Variants in HYDIN observed in about 807,000 individuals in gnomAD.
HYDIN encodes axonemal central pair apparatus protein HYDIN.
A neutral mutation model predicts 403.9 loss-of-function variants in HYDIN; 132 were observed. The observed-to-expected ratio is 0.33, with a 90% confidence interval of 0.28 to 0.38. HYDIN has a LOEUF of 0.38. HYDIN is among the 10% of genes least tolerant of loss of function. HYDIN has a pLI of 1.00. For missense variants in HYDIN, 2,827 were observed against 5,009.5 expected (o/e 0.56, Z 13.15); for synonymous variants, 1,202 against 1,891.7 (o/e 0.64, Z 9.46).
At chr16:70,833,197 G>A in intron 79 of HYDIN, 130 bp from the exon 80 acceptor site, 2 of 766,570 alleles carry the variant, frequency 2.6e-6, no homozygotes, top group South Asian at 1.9e-5. Flanking sequence ...CACCTAGGAG[G>A]AGAAAGATCT....
intron 45 of HYDIN, among the ~76,000 whole-genome samples, chr16:70,931,599 G>C (rs1373994063): frequency 6.6e-6 from 1 of 151,618 alleles, no homozygotes; most frequent in African/African-American, 2.4e-5. Flanking sequence ...GGTGATTTGC[G>C]TGCATATTCA....
chr16:70,985,304 C>T lies in HYDIN; in HGVS notation c.4213G>A (p.Glu1405Lys). Residue 1405 changes from glutamate (E) to lysine (K), a missense_variant, in exon 28 of 86, where the codon GAG (glutamate) becomes AAG (lysine). By Grantham distance (56) the Glu-to-Lys change is moderately conservative. Transcript: ENST00000393567. ...ATGTTCGTCAGCGTGATTTCCCTCT[C>T]TGTGACATGGTCAAACAGCTTGAGA... ...YGLQLFDHVT[E>K]REITLTNMGK... The T allele has an allele frequency of 1.3e-6, 2 of 1,506,190 alleles. No homozygotes were observed. The highest frequency in any genetic ancestry group is 9.1e-7 in the Non-Finnish European group (1 of 1,096,374). 93.3% of individuals were successfully genotyped at this position (1,506,190 alleles called of 1,614,324 possible).
intron 51 of HYDIN, 26 bp downstream of exon 51, chr16:70,903,878 TG>T: frequency 2.0e-6 from 1 of 509,628 alleles, no homozygotes; most frequent in Non-Finnish European, 3.3e-6. Flanking sequence ...AGCCTTGCCC[TG>T]GTGACTTGTG....
At chr16:70,967,237 GATA>G (rs1187679492) in intron 36 of HYDIN, among the ~76,000 whole-genome samples, 2 of 152,262 alleles carry the variant, frequency 1.3e-5, no homozygotes, top group East Asian at 3.9e-4. Flanking sequence ...CATGCTTATG[GATA>G]ATATGACTCA....
chr16:71,169,687 G>A (rs1388742956), intron 5 of HYDIN, among the ~76,000 whole-genome samples: 30 of 152,102 alleles, frequency 2.0e-4, no homozygotes, highest in Non-Finnish European at 1.5e-5. Context: ...GGGGGATGCT[G>A]GTCAGAGGGT....
At chr16:70,842,780 A>G (rs2037916111) in intron 75 of HYDIN, among the ~76,000 whole-genome samples, 1 of 151,862 alleles carries the variant, frequency 6.6e-6, no homozygotes, top group Non-Finnish European at 1.5e-5. Flanking sequence ...TCTATATATC[A>G]TGTCTTTTTA....
At chr16:70,943,974 A>G in intron 41 of HYDIN, 25 bp from the exon 42 acceptor site, 1 of 1,555,798 alleles carries the variant, frequency 6.4e-7, no homozygotes, top group Non-Finnish European at 8.7e-7. Flanking sequence ...AAGGATCAGG[A>G]GTCAGAATCT....
intron 75 of HYDIN, among the ~76,000 whole-genome samples, chr16:70,848,439 A>G (rs1466475341): frequency 6.6e-6 from 1 of 151,934 alleles, no homozygotes; most frequent in Non-Finnish European, 1.5e-5. Context: ...ATTTAAAATA[A>G]TAAATGTGGC....
intron 10 of HYDIN, among the ~76,000 whole-genome samples, chr16:71,096,893 C>T (rs1389417498): frequency 9.8e-6 from 1 of 101,664 alleles, no homozygotes; most frequent in Non-Finnish European, 1.7e-5. Context: ...TAACTCCCTC[C>T]GGCTTCTAGC....
At chr16:71,108,598 G>T (rs888873324) in intron 10 of HYDIN, among the ~76,000 whole-genome samples, 1 of 151,910 alleles carries the variant, frequency 6.6e-6, no homozygotes, top group Non-Finnish European at 1.5e-5. Flanking sequence ...CTGCACAAAT[G>T]TATTATCTGA....
At chr16:71,156,252 C>T (rs1184820722) in intron 6 of HYDIN, among the ~76,000 whole-genome samples, 1 of 152,088 alleles carries the variant, frequency 6.6e-6, no homozygotes, top group Non-Finnish European at 1.5e-5. Context: ...TTGTGCTAAT[C>T]GTTGGGTTTA....
chr16:70,841,957 C>T (rs1437552956), intron 75 of HYDIN, among the ~76,000 whole-genome samples: 4 of 150,404 alleles, frequency 2.7e-5, no homozygotes, highest in East Asian at 3.9e-4. Context: ...GTTTTACACC[C>T]ATCTTTCTAT....
Position 71,083,593 on chromosome 16 carries a change from A to G in HYDIN, c.1671-3641T>C, listed in dbSNP as rs1413268481. ...TTCTCATTCCTCCACCTTTTCACCA[A>G]TACTTACAGTAGTTCCTTATCTGTA... On this transcript the variant is annotated intron_variant, in intron 12 of 85. Transcript: ENST00000393567. 2.1e-5 allele frequency among the ~76,000 whole-genome samples: 3 copies of G among 143,808 alleles called. No individual in the cohort carries two copies. In the East Asian group the frequency reaches 6.3e-4, roughly 30 times the overall value. The allele number at this position is 143,808 out of a possible 152,430, so 94.3% of individuals were successfully genotyped here.
chr16:70,807,446 T>C lies in HYDIN; in HGVS notation c.*134A>G. ...ATATCTATATTTGGAAAACACATAA[T>C]AGGGAAATAACTGCCCTATAATTGT... On this transcript the variant is annotated 3_prime_UTR_variant, in exon 86 of 86. Coordinates refer to ENST00000393567, the MANE Select transcript of HYDIN (RefSeq NM_001270974.2). 3 of 955,930 alleles carry C rather than the reference T, an allele frequency of 3.1e-6. No homozygotes were observed. Among genetic ancestry groups the C allele is most frequent in the Non-Finnish European group, 3.1e-6 (2 of 644,304 alleles). 59.2% of individuals were successfully genotyped at this position (955,930 alleles called of 1,614,324 possible).
chr16:70,927,654 GC>G (rs2077194593), intron 45 of HYDIN, among the ~76,000 whole-genome samples: 1 of 129,412 alleles, frequency 7.7e-6, no homozygotes, highest in Admixed American at 7.5e-5. Flanking sequence ...CCTCCAGCTT[GC>G]CCTTGAATAC....
chr16:70,817,277 T>A (rs1366772399), intron 84 of HYDIN: 2 of 151,784 alleles, frequency 1.3e-5, no homozygotes, highest in African/African-American at 4.9e-5. Flanking sequence ...AATTACCTAC[T>A]AAAGTGAAAG....
intron 15 of HYDIN, chr16:71,066,597 T>G (rs1199479564): frequency 4.2e-6 from 1 of 238,312 alleles, no homozygotes. Context: ...GGGAAGAGTG[T>G]GGCCCCAGGA....
chr16:71,181,254 C>T (rs549932553), intron 3 of HYDIN, among the ~76,000 whole-genome samples: 6 of 147,278 alleles, frequency 4.1e-5, no homozygotes, highest in Admixed American at 6.8e-5. Context: ...TGAATTTATA[C>T]GGAAATGCAA....
chr16:71,099,819 T>G (rs1392412539), intron 10 of HYDIN, among the ~76,000 whole-genome samples: 4 of 150,184 alleles, frequency 2.7e-5, no homozygotes, highest in African/African-American at 9.8e-5. Context: ...CTGGGCAACA[T>G]AGCAAGACCT....
Sources: allele counts gnomAD v4.1 joint callset (sites outside exome capture counted in the v4.1 genomes callset), GRCh38; gene constraint gnomAD v4.1.1; transcripts MANE v1.5; gene names NCBI Gene and HGNC (gene_info 2026-07-23, HGNC 2026-07-21).